NRG3: variants seen among roughly 807,000 people sequenced by gnomAD.
The protein encoded by NRG3 is pro-neuregulin-3, membrane-bound isoform.
NRG3 carries 31 observed loss-of-function variants against 66.9 expected under a neutral mutation model. The ratio of observed to expected loss-of-function variants is 0.46; its 90% confidence interval spans 0.35 to 0.63. The LOEUF (loss-of-function observed/expected upper bound fraction) is 0.63, where lower values mean the gene tolerates loss of function less well. NRG3 is among the 20% of genes least tolerant of loss of function. The probability of loss-of-function intolerance (pLI) is 0.00; values close to 1 mark genes in which losing one functional copy is unlikely to be tolerated. For missense variants in NRG3, 910 were observed against 878.9 expected, an observed-to-expected ratio of 1.04 and a Z score of -0.45; for synonymous variants, 393 against 359.4, an observed-to-expected ratio of 1.09 and a Z score of -1.06.
At chr10:82,143,944 C>T (rs917830968) in intron 1 of NRG3, among the ~76,000 whole-genome samples, 6 of 150,644 alleles carry the variant, frequency 4.0e-5, no homozygotes, top group South Asian at 2.1e-4. Context: ...GTAGGAGAAT[C>T]GCTGGAGCCT....
chr10:82,307,349 T>G (rs1156348524), intron 1 of NRG3, among the ~76,000 whole-genome samples: 1 of 152,196 alleles, frequency 6.6e-6, no homozygotes, highest in Non-Finnish European at 1.5e-5. Flanking sequence ...GAAAATTAAC[T>G]TGGTTCTTTC....
intron 3 of NRG3, among the ~76,000 whole-genome samples, chr10:82,848,858 C>G (rs2063431924): frequency 6.6e-6 from 1 of 152,186 alleles, no homozygotes; most frequent in Non-Finnish European, 1.5e-5. Context: ...TGTTCTCTTG[C>G]CTGCCGCCAT....
At position 82,361,883 on chromosome 10, in the gene NRG3, T is replaced by G. The variant is rs144049760; in HGVS notation, c.953+3015T>G. Reference sequence around the variant, plus strand: ...TTTATTTTTTTGTGTCTCAAAAGATTAGACATCTAAATCTGAAAGAAATTA... The same window carrying G: ...TTTATTTTTTTGTGTCTCAAAAGATGAGACATCTAAATCTGAAAGAAATTA... On this transcript the variant is annotated intron_variant, in intron 2 of 8. Coordinates refer to ENST00000372141, the MANE Select transcript of NRG3 (RefSeq NM_001010848.4). 2.7e-3 allele frequency among the ~76,000 whole-genome samples: 409 copies of G among 151,970 alleles called. 9 individuals carry two copies. The highest frequency in any genetic ancestry group is 7.3e-3 in the East Asian group (38 of 5,176).
At chr10:81,957,985 C>T (rs941822978) in intron 1 of NRG3, among the ~76,000 whole-genome samples, 18 of 152,140 alleles carry the variant, frequency 1.2e-4, no homozygotes, top group African/African-American at 4.1e-4. Context: ...TGATATAAGT[C>T]TCATAGGGTG....
chr10:82,405,725 C>T (rs990761936), intron 2 of NRG3, among the ~76,000 whole-genome samples: 2 of 152,194 alleles, frequency 1.3e-5, no homozygotes, highest in African/African-American at 4.8e-5. Flanking sequence ...GCCTCAGCCT[C>T]CCAAAGTGCT....
At chr10:82,492,077 A>G (rs1460254832) in intron 2 of NRG3, among the ~76,000 whole-genome samples, 3 of 152,172 alleles carry the variant, frequency 2.0e-5, no homozygotes, top group Non-Finnish European at 2.9e-5. Flanking sequence ...CAGTGAATCT[A>G]TCTGTCACAG....
At chr10:82,709,275 C>T (rs892934513) in intron 2 of NRG3, among the ~76,000 whole-genome samples, 2 of 152,156 alleles carry the variant, frequency 1.3e-5, no homozygotes, top group Non-Finnish European at 2.9e-5. Context: ...ACAGTTCTAT[C>T]GGATGGTGTG....
At chr10:82,530,998 A>G (rs916946554) in intron 2 of NRG3, among the ~76,000 whole-genome samples, 15 of 151,874 alleles carry the variant, frequency 9.9e-5, no homozygotes, top group African/African-American at 3.6e-4. Flanking sequence ...AATTGAAGTA[A>G]AAATGTATTT....
intron 2 of NRG3, among the ~76,000 whole-genome samples, chr10:82,655,599 A>G (rs2051778523): frequency 6.6e-6 from 1 of 152,162 alleles, no homozygotes; most frequent in African/African-American, 2.4e-5. Context: ...TTTAGTAAAA[A>G]CTGCAAGAAA....
intron 2 of NRG3, among the ~76,000 whole-genome samples, chr10:82,728,307 G>A (rs961245986): frequency 1.3e-5 from 2 of 152,126 alleles, no homozygotes; most frequent in Non-Finnish European, 2.9e-5. Context: ...ATCTTGAATT[G>A]TAACTCCTGC....
chr10:82,176,927 G>A (rs1380979187), intron 1 of NRG3, among the ~76,000 whole-genome samples: 1 of 133,048 alleles, frequency 7.5e-6, no homozygotes, highest in Non-Finnish European at 1.6e-5. Context: ...ACACTCGGAG[G>A]GTTTTTGGAG....
At chr10:82,128,022 C>A (rs2132453625) in intron 1 of NRG3, among the ~76,000 whole-genome samples, 1 of 152,002 alleles carries the variant, frequency 6.6e-6, no homozygotes, top group East Asian at 1.9e-4. Context: ...AAAATTGAAG[C>A]CCATAAATAG....
intron 2 of NRG3, among the ~76,000 whole-genome samples, chr10:82,683,186 A>G (rs112269410): frequency 0.026 from 3,941 of 151,608 alleles, 202 homozygotes; most frequent in African/African-American, 0.09. Context: ...TCTCGATCTG[A>G]CCTCGTGATC....
At chr10:82,852,860 G>A (rs2135849389) in intron 3 of NRG3, among the ~76,000 whole-genome samples, 1 of 152,308 alleles carries the variant, frequency 6.6e-6, no homozygotes, top group Middle Eastern at 3.4e-3. Flanking sequence ...GGTAGTGGGA[G>A]CATGAGGGTA....
chr10:82,170,849 T>C (rs1468228022), intron 1 of NRG3, among the ~76,000 whole-genome samples: 6 of 151,160 alleles, frequency 4.0e-5, no homozygotes, highest in Non-Finnish European at 7.4e-5. Flanking sequence ...TCACCCCCAA[T>C]TGATATTCCA....
intron 1 of NRG3, chr10:81,878,057 T>C (rs1430176587): frequency 1.3e-6 from 2 of 1,537,198 alleles, no homozygotes; most frequent in Non-Finnish European, 8.7e-7. Flanking sequence ...ATTGATTTCC[T>C]TGTGTACCAT....
intron 6 of NRG3, among the ~76,000 whole-genome samples, chr10:82,968,571 C>G (rs1851420751): frequency 6.7e-6 from 1 of 149,738 alleles, no homozygotes; most frequent in Admixed American, 6.6e-5. Flanking sequence ...ACAAGGCCCT[C>G]TATCTCTCAG....
At chr10:81,962,608 A>G (rs1464419802) in intron 1 of NRG3, among the ~76,000 whole-genome samples, 1 of 152,240 alleles carries the variant, frequency 6.6e-6, no homozygotes, top group Admixed American at 6.5e-5. Context: ...GCTGCATAAC[A>G]TTCTACCCCA....
At chr10:82,045,802 C>A (rs1161980393) in intron 1 of NRG3, among the ~76,000 whole-genome samples, 3 of 89,108 alleles carry the variant, frequency 3.4e-5, no homozygotes, top group African/African-American at 1.2e-4. Flanking sequence ...CCAGTTTTCC[C>A]AGCACCATTT....
Sources: gnomAD v4.1 joint callset for allele counts (sites outside exome capture counted in the v4.1 genomes callset) on GRCh38, gnomAD v4.1.1 for gene constraint, MANE v1.5 for transcripts, NCBI Gene and HGNC (gene_info 2026-07-23, HGNC 2026-07-21) for gene names.